The following KIF6 variants were observed in gnomAD, a reference collection of about 807,000 sequenced individuals.
KIF6 encodes the protein kinesin family member 6.
A neutral mutation model predicts 112.7 loss-of-function variants in KIF6; 106 were observed. The ratio of observed to expected loss-of-function variants is 0.94; its 90% CI spans 0.80 to 1.11. The LOEUF is 1.11. Ranked by LOEUF, KIF6 falls within the 50% of genes least tolerant of loss-of-function variation. The pLI, the probability that KIF6 is intolerant of heterozygous loss-of-function variation, is 0.00. For missense variants in KIF6, 929 were observed against 964.0 expected, an observed-to-expected ratio of 0.96 and a Z score of 0.48; for synonymous variants, 339 against 339.9, an observed-to-expected ratio of 1.00 and a Z score of 0.03.
chr6:39,649,333 T>C (rs1436595394), intron 3 of KIF6, among the ~76,000 whole-genome samples: 1 of 152,152 alleles, frequency 6.6e-6, no homozygotes, highest in Non-Finnish European at 1.5e-5. Context: ...CATCAATCAT[T>C]TTGGAAAGGA....
At chr6:39,420,117 C>A in intron 14 of KIF6, 114 bp from the exon 15 acceptor site, 1 of 712,546 alleles carries the variant, frequency 1.4e-6, no homozygotes. Context: ...TTGAAAGACA[C>A]AAAAGAAAAA....
intron 13 of KIF6, among the ~76,000 whole-genome samples, chr6:39,448,735 G>T (rs1772497600): frequency 6.6e-6 from 1 of 152,120 alleles, no homozygotes; most frequent in Non-Finnish European, 1.5e-5. Context: ...CAGGTGCATG[G>T]CTTTACGATG....
chr6:39,707,997 A>C (rs1789312811), intron 3 of KIF6, among the ~76,000 whole-genome samples: 1 of 152,220 alleles, frequency 6.6e-6, no homozygotes, highest in South Asian at 2.1e-4. Flanking sequence ...GTGAATAACT[A>C]AGATTTTTTT....
chr6:39,379,957 G>A (rs1427611873), intron 16 of KIF6, among the ~76,000 whole-genome samples: 2 of 152,242 alleles, frequency 1.3e-5, no homozygotes, highest in Non-Finnish European at 2.9e-5. Context: ...ATTGGGTTGT[G>A]AGCATTAAAG....
intron 16 of KIF6, among the ~76,000 whole-genome samples, chr6:39,377,208 C>T (rs2150297663): frequency 6.6e-6 from 1 of 152,254 alleles, no homozygotes; most frequent in East Asian, 1.9e-4. Flanking sequence ...GCTGCTGTAC[C>T]TGGCTAATTT....
intron 18 of KIF6, among the ~76,000 whole-genome samples, chr6:39,358,188 C>T (rs1031215455): frequency 2.6e-5 from 4 of 152,218 alleles, no homozygotes; most frequent in African/African-American, 4.8e-5. Context: ...CCTCCTGGAA[C>T]GTGAGTGCAT....
chr6:39,369,651 G>T (rs938716419), intron 16 of KIF6, among the ~76,000 whole-genome samples: 12 of 152,158 alleles, frequency 7.9e-5, no homozygotes, highest in African/African-American at 2.9e-4. Flanking sequence ...CTTCTCACCA[G>T]CATGTTCTCT....
rs143099423 is a variant in KIF6 at position 39,332,263 on chromosome 6, G to A, written c.*4269C>T. 6.6e-6 allele frequency: 1 copy of A among 151,978 alleles called. No homozygotes were observed. The highest frequency in any genetic ancestry group is 1.9e-4 in the East Asian group (1 of 5,188). 9.4% of individuals were successfully genotyped at this position (151,978 alleles called of 1,614,324 possible). ...CACCCGGCCTCTATTTCTATTGATG[G>A]TTTTTTCTCCTCTCATGGCCCATAT... On this transcript the variant is annotated 3_prime_UTR_variant, in exon 23 of 23. Transcript: ENST00000287152.
At chr6:39,544,739 T>C in intron 11 of KIF6, 46 bp from the exon 12 acceptor site, 2 of 1,133,930 alleles carry the variant, frequency 1.8e-6, no homozygotes, top group Non-Finnish European at 2.5e-6. Context: ...CTAGTCCAAA[T>C]TTCTTTGTTT....
intron 10 of KIF6, among the ~76,000 whole-genome samples, chr6:39,573,152 A>G (rs1002011043): frequency 1.3e-5 from 2 of 152,008 alleles, no homozygotes; most frequent in Admixed American, 6.6e-5. Context: ...CAATTCTGCC[A>G]CTGTGTCCTG....
At chr6:39,685,489 G>A (rs903926330) in intron 3 of KIF6, among the ~76,000 whole-genome samples, 2 of 152,174 alleles carry the variant, frequency 1.3e-5, no homozygotes, top group African/African-American at 4.8e-5. Context: ...AACCAAATTG[G>A]GAAACAGTCA....
intron 3 of KIF6, among the ~76,000 whole-genome samples, chr6:39,696,046 A>G (rs1011345334): frequency 6.6e-6 from 1 of 152,212 alleles, no homozygotes; most frequent in Non-Finnish European, 1.5e-5. Context: ...CAAATGCCAC[A>G]TGTTCTCACG....
intron 7 of KIF6, 74 bp from the exon 8 acceptor site, chr6:39,586,478 T>A (rs1355112199): frequency 1.6e-6 from 2 of 1,241,336 alleles, no homozygotes; most frequent in South Asian, 2.6e-5. Context: ...AGAGCTTCAA[T>A]AGCAATAAAA....
chr6:39,598,256 G>T (rs1041224763), intron 6 of KIF6, among the ~76,000 whole-genome samples: 11 of 151,964 alleles, frequency 7.2e-5, no homozygotes. Flanking sequence ...AGTAAGCAAA[G>T]AATATGACTA....
chr6:39,472,613 C>T (rs192178861), intron 13 of KIF6, among the ~76,000 whole-genome samples: 1 of 152,174 alleles, frequency 6.6e-6, no homozygotes, highest in South Asian at 2.1e-4. Flanking sequence ...CCCCTTCCCA[C>T]GAATATAAAA....
intron 10 of KIF6, among the ~76,000 whole-genome samples, chr6:39,577,589 A>C: frequency 6.6e-6 from 1 of 152,200 alleles, no homozygotes. Flanking sequence ...TTTCATTCCC[A>C]GTTAGAGTGT....
intron 14 of KIF6, among the ~76,000 whole-genome samples, chr6:39,423,153 C>G (rs1224613960): frequency 6.6e-6 from 1 of 152,140 alleles, no homozygotes; most frequent in Non-Finnish European, 1.5e-5. Flanking sequence ...TGCCATGTCA[C>G]CTGCACACAA....
At chr6:39,508,720 C>T (rs573174295) in intron 13 of KIF6, among the ~76,000 whole-genome samples, 6 of 152,224 alleles carry the variant, frequency 3.9e-5, no homozygotes, top group African/African-American at 7.2e-5. Context: ...GCAAACAAAG[C>T]GGCAGGGAAG....
chr6:39,517,775 T>C (rs1430999179), intron 13 of KIF6, among the ~76,000 whole-genome samples: 1 of 152,202 alleles, frequency 6.6e-6, no homozygotes, highest in Non-Finnish European at 1.5e-5. Flanking sequence ...CTACTGTATA[T>C]TGAAACTAAT....
Sources: gnomAD v4.1 joint callset for allele counts (sites outside exome capture counted in the v4.1 genomes callset) on GRCh38, gnomAD v4.1.1 for gene constraint, MANE v1.5 for transcripts, NCBI Gene and HGNC (gene_info 2026-07-23, HGNC 2026-07-21) for gene names.